The following MORN1 variants were observed in gnomAD, a reference collection of about 807,000 sequenced individuals.
The protein encoded by MORN1 is MORN repeat-containing protein 1.
MORN1 carries 67 observed loss-of-function variants against 61.9 expected under a neutral mutation model. The ratio of observed to expected loss-of-function variants is 1.08; its 90% confidence interval spans 0.89 to 1.33. MORN1 has a LOEUF of 1.33. MORN1 is among the 40% of genes most tolerant of loss of function. The pLI is 0.00. For synonymous variants in MORN1, 301 were observed against 292.0 expected (o/e 1.03, Z -0.31); for missense variants, 752 against 691.2 (o/e 1.09, Z -0.99).
rs551062109 is a variant in MORN1, at chr1:2,337,298, C to A, written c.1037-448G>T. On this transcript the variant is annotated intron_variant, in intron 10 of 13. Transcript: ENST00000378531. The surrounding 1 kb of genome is among the most constrained non-coding windows in gnomAD (Gnocchi z 5.7). ...AGATGGTTCTGCCCCAGCGGCCCAT[C>A]AAGATGGACCTGGCGTCAGGACCCG... 6.6e-6 allele frequency among the ~76,000 whole-genome samples: 1 copy of A among 152,306 alleles called. No individual in the cohort carries two copies. Among genetic ancestry groups the A allele is most frequent in the East Asian group, 1.9e-4 (1 of 5,176 alleles).
chr1:2,329,981 G>A (rs971385245), intron 12 of MORN1, among the ~76,000 whole-genome samples: 1 of 152,068 alleles, frequency 6.6e-6, no homozygotes, highest in African/African-American at 2.4e-5. Flanking sequence ...CTCCGGGTGA[G>A]GGGGGAGCTC....
chr1:2,327,257 AACACAGAAACAAACACAGAG>A (rs1248606834), intron 12 of MORN1, among the ~76,000 whole-genome samples: 1 of 129,960 alleles, frequency 7.7e-6, no homozygotes, highest in Non-Finnish European at 1.7e-5. Context: ...AACACACAGA[AACACAGAAACAAACACAGAG>A]ACACAGAAAC....
intron 8 of MORN1, among the ~76,000 whole-genome samples, chr1:2,367,422 C>G (rs557746124): frequency 6.6e-6 from 1 of 150,508 alleles, no homozygotes; most frequent in Admixed American, 6.6e-5. Flanking sequence ...GAGTTTGAGA[C>G]CAGCCTGGGC....
At chr1:2,384,924 C>A in intron 6 of MORN1, 54 bp downstream of exon 6, 1 of 1,461,028 alleles carries the variant, frequency 6.8e-7, no homozygotes, top group Non-Finnish European at 9.2e-7. Flanking sequence ...ACGCGCCCTG[C>A]CCACCACGAG....
intron 10 of MORN1, among the ~76,000 whole-genome samples, chr1:2,342,466 T>C (rs1472319): frequency 0.48 from 72,975 of 152,128 alleles, 18,688 homozygotes; most frequent in African/African-American, 0.64. Flanking sequence ...CGTTTGGAGG[T>C]GACCAGACAC....
At chr1:2,346,909 G>A (rs1196624499) in intron 10 of MORN1, among the ~76,000 whole-genome samples, 1 of 152,150 alleles carries the variant, frequency 6.6e-6, no homozygotes, top group Non-Finnish European at 1.5e-5. Flanking sequence ...GCCCACCCCC[G>A]GCCCAGCTCC....
At chr1:2,385,151 C>T (rs534860878) in intron 5 of MORN1, 86 bp from the exon 6 acceptor site, 30 of 1,400,996 alleles carry the variant, frequency 2.1e-5, no homozygotes, top group Middle Eastern at 2.5e-4. Flanking sequence ...CACCGGGCTC[C>T]GCAGGCACTG....
At chr1:2,380,336 C>T (rs549448001) in intron 6 of MORN1, among the ~76,000 whole-genome samples, 1 of 152,306 alleles carries the variant, frequency 6.6e-6, no homozygotes, top group East Asian at 1.9e-4. Context: ...TGCCACGCCA[C>T]TGCACGCTTA....
chr1:2,324,559 C>T (rs1303202383), intron 12 of MORN1, among the ~76,000 whole-genome samples: 4 of 152,252 alleles, frequency 2.6e-5, no homozygotes, highest in South Asian at 2.1e-4. Context: ...TTAGGAGCGG[C>T]GGAAGTCTCA....
chr1:2,364,643 T>C (rs1641963274), intron 8 of MORN1, among the ~76,000 whole-genome samples: 1 of 150,908 alleles, frequency 6.6e-6, no homozygotes, highest in Non-Finnish European at 1.5e-5. Context: ...CCCATGCCTA[T>C]GTCCTGAATG....
At chr1:2,385,317 A>T (rs888860925) in intron 5 of MORN1, 2 of 551,440 alleles carry the variant, frequency 3.6e-6, no homozygotes, top group Admixed American at 6.7e-5. Flanking sequence ...TCCGCTACTC[A>T]AAATGGGAAA....
intron 6 of MORN1, chr1:2,378,552 T>C (rs1000473346): frequency 8.5e-6 from 2 of 236,076 alleles, no homozygotes; most frequent in African/African-American, 2.3e-5. Context: ...CTCCGTGCAG[T>C]GAGCAGGTGC....
At chr1:2,335,880 G>A (rs1489140154) in intron 12 of MORN1, among the ~76,000 whole-genome samples, 2 of 151,216 alleles carry the variant, frequency 1.3e-5, no homozygotes, top group African/African-American at 2.5e-5. Context: ...ACAGAGTCCC[G>A]ATTTGAGGTG....
chr1:2,384,772 C>T (rs533817146), intron 6 of MORN1, among the ~76,000 whole-genome samples: 6 of 152,366 alleles, frequency 3.9e-5, no homozygotes, highest in Admixed American at 3.9e-4. Context: ...ACAAGGCACA[C>T]ATATGAATAC....
At chr1:2,373,805 C>G (rs1041481014) in intron 7 of MORN1, among the ~76,000 whole-genome samples, 1 of 152,182 alleles carries the variant, frequency 6.6e-6, no homozygotes, top group Non-Finnish European at 1.5e-5. Flanking sequence ...TACTGTCACC[C>G]GTCACCCCTG....
chr1:2,356,034 T>A (rs1262791595), intron 10 of MORN1, among the ~76,000 whole-genome samples: 1 of 151,240 alleles, frequency 6.6e-6, no homozygotes, highest in Admixed American at 6.6e-5. Flanking sequence ...GCCTGGAGGG[T>A]TGGAGTTGGG....
rs1443422831 is a variant in MORN1 at position 2,334,312 on chromosome 1, A to G, written c.1250+2157T>C. 6.6e-6 allele frequency among the ~76,000 whole-genome samples: 1 copy of G among 152,114 alleles called. No homozygotes were observed. Among genetic ancestry groups the G allele is most frequent in the African/African-American group, 2.4e-5 (1 of 41,414 alleles). ...TGGTGGTGGGGGTCAGGCTCCATGG[A>G]GGACGAGAGGCACAGGCCCAGGTTT... On this transcript the variant is annotated intron_variant, in intron 12 of 13. Transcript: ENST00000378531. The surrounding 1 kb of genome is among the most constrained non-coding windows in gnomAD (Gnocchi z 5.4).
intron 12 of MORN1, among the ~76,000 whole-genome samples, chr1:2,329,775 A>T (rs1641108675): frequency 6.6e-6 from 1 of 152,184 alleles, no homozygotes; most frequent in Non-Finnish European, 1.5e-5. Context: ...TCTATTTCAG[A>T]TAGTGTTCCC....
rs566389392 is a variant in MORN1 at position 2,358,798 on chromosome 1, G to A, written c.746-83C>T. The A allele has an allele frequency of 1.3e-5, 20 of 1,509,600 alleles. No homozygotes were observed. In the South Asian group the frequency reaches 1.6e-4, roughly 12 times the overall value. The allele number at this position is 1,509,600 out of a possible 1,614,324, so 93.5% of individuals were successfully genotyped here. A position where few individuals can be genotyped will look rare whatever the true frequency, so the allele number is the denominator to read the frequency against. ...CGGGCCCGGGGCAGGCTTCTGGGAC[G>A]CTGTGTTTATAACTCAGCGGGGCCA... is the stretch of plus-strand genomic sequence containing the variant. On this transcript the variant is annotated intron_variant, in intron 8 of 13. Transcript: ENST00000378531.
Sources: allele counts gnomAD v4.1 joint callset (sites outside exome capture counted in the v4.1 genomes callset), GRCh38; gene constraint gnomAD v4.1.1; non-coding constraint Gnocchi (gnomAD v3.1); transcripts MANE v1.5; gene names NCBI Gene and HGNC (gene_info 2026-07-23, HGNC 2026-07-21).